ANKRD30BL: variants seen among roughly 807,000 people sequenced by gnomAD.
ANKRD30BL encodes putative ankyrin repeat domain-containing protein 30B-like.
Under a neutral mutation model 18.4 loss-of-function variants are expected in ANKRD30BL, and 20 were observed. That is an observed-to-expected ratio of 1.09 (90% confidence interval 0.77 to 1.58). The LOEUF is 1.58. ANKRD30BL is among the 40% of genes most tolerant of loss of function. The probability of loss-of-function intolerance (pLI) is 0.00; values close to 1 mark genes in which losing one functional copy is unlikely to be tolerated. For synonymous variants in ANKRD30BL, 72 were observed against 100.9 expected (o/e 0.71, Z 1.72); for missense variants, 224 against 268.6 (o/e 0.83, Z 1.16).
At chr2:132,176,331 C>A (rs1400679580) in intron 1 of ANKRD30BL, among the ~76,000 whole-genome samples, 2 of 152,018 alleles carry the variant, frequency 1.3e-5, no homozygotes, top group Admixed American at 6.6e-5. Context: ...AGTTCAAGAC[C>A]AGCCTGATCA....
chr2:132,159,134 G>A (rs1232187665), intron 1 of ANKRD30BL, among the ~76,000 whole-genome samples: 2 of 151,994 alleles, frequency 1.3e-5, no homozygotes, highest in Non-Finnish European at 2.9e-5. Flanking sequence ...ACACAAGACT[G>A]TAGTCTGTGT....
At chr2:132,207,514 A>T (rs941055755) in intron 1 of ANKRD30BL, among the ~76,000 whole-genome samples, 2 of 152,130 alleles carry the variant, frequency 1.3e-5, no homozygotes, top group Admixed American at 6.6e-5. Context: ...AAGGTCCTCC[A>T]CGTGAATTGG....
At chr2:132,167,547 G>T (rs1688211098) in intron 1 of ANKRD30BL, among the ~76,000 whole-genome samples, 1 of 151,994 alleles carries the variant, frequency 6.6e-6, no homozygotes, top group South Asian at 2.1e-4. Flanking sequence ...AGCCTCAGGT[G>T]GTCCACCCAC....
chr2:132,230,652 A>G (rs1049938032), intron 1 of ANKRD30BL, among the ~76,000 whole-genome samples: 5 of 152,154 alleles, frequency 3.3e-5, no homozygotes, highest in African/African-American at 4.8e-5. Context: ...AACTTCACAT[A>G]AAAACTAGAC....
chr2:132,200,626 TGC>T (rs1679079013), intron 1 of ANKRD30BL, among the ~76,000 whole-genome samples: 1 of 152,134 alleles, frequency 6.6e-6, no homozygotes, highest in South Asian at 2.1e-4. Flanking sequence ...TACAAACCAC[TGC>T]TCAAGGAAAT....
At chr2:132,241,942 G>A (rs1339248449) in intron 1 of ANKRD30BL, among the ~76,000 whole-genome samples, 1 of 151,538 alleles carries the variant, frequency 6.6e-6, no homozygotes, top group African/African-American at 2.4e-5. Flanking sequence ...CCTTTTCATA[G>A]AACAGTTTTT....
chr2:132,221,829 G>A (rs1220021039), intron 1 of ANKRD30BL, among the ~76,000 whole-genome samples: 7 of 112,348 alleles, frequency 6.2e-5, no homozygotes, highest in African/African-American at 2.6e-4. Context: ...GGGGGGGTCA[G>A]CCCCCCGCCC....
At chr2:132,189,757 G>A (rs1444776613) in intron 1 of ANKRD30BL, among the ~76,000 whole-genome samples, 1 of 152,034 alleles carries the variant, frequency 6.6e-6, no homozygotes, top group African/African-American at 2.4e-5. Context: ...ATTAAAAGAA[G>A]GAATTTTGGC....
intron 5 of ANKRD30BL, among the ~76,000 whole-genome samples, chr2:132,150,178 G>A (rs1173350953): frequency 6.6e-6 from 1 of 151,734 alleles, no homozygotes; most frequent in Non-Finnish European, 1.5e-5. Context: ...AAGCCCAGAA[G>A]TTCAAGACCA....
At chr2:132,242,659 C>T (rs1680371126) in intron 1 of ANKRD30BL, among the ~76,000 whole-genome samples, 1 of 151,416 alleles carries the variant, frequency 6.6e-6, no homozygotes, top group African/African-American at 2.4e-5. Context: ...TTTGTAGAAT[C>T]TGCAAGTGGA....
intron 1 of ANKRD30BL, among the ~76,000 whole-genome samples, chr2:132,169,373 G>T (rs1184065794): frequency 1.3e-5 from 2 of 152,182 alleles, no homozygotes; most frequent in African/African-American, 4.8e-5. Context: ...TGGTGGCGGG[G>T]TGCGGTGGCC....
chr2:132,237,690 C>T (rs77854821), intron 1 of ANKRD30BL, among the ~76,000 whole-genome samples: 1 of 152,030 alleles, frequency 6.6e-6, no homozygotes, highest in African/African-American at 2.4e-5. Context: ...CAGAGTTGAA[C>T]ATTCCTTTTC....
chr2:132,233,025 G>A (rs112156315), intron 1 of ANKRD30BL, among the ~76,000 whole-genome samples: 18 of 151,868 alleles, frequency 1.2e-4, no homozygotes, highest in Admixed American at 3.9e-4. Flanking sequence ...AGTGGGGGCC[G>A]ATATTCAACA....
chr2:132,193,756 A>G (rs1196167969), intron 1 of ANKRD30BL, among the ~76,000 whole-genome samples: 1 of 151,720 alleles, frequency 6.6e-6, no homozygotes, highest in East Asian at 1.9e-4. Context: ...AAGAATCTAC[A>G]GGTTCAGAAA....
At chr2:132,200,588 G>A (rs940616661) in intron 1 of ANKRD30BL, among the ~76,000 whole-genome samples, 3 of 152,124 alleles carry the variant, frequency 2.0e-5, no homozygotes, top group African/African-American at 4.8e-5. Flanking sequence ...GACTTACAAG[G>A]GATGTGAAGT....
intron 5 of ANKRD30BL, among the ~76,000 whole-genome samples, chr2:132,149,580 T>C (rs1444746885): frequency 6.6e-6 from 1 of 152,196 alleles, no homozygotes; most frequent in Non-Finnish European, 1.5e-5. Flanking sequence ...TTAATTCTTA[T>C]TGACATTCAT....
At position 132,245,264 on chromosome 2, in the gene ANKRD30BL, G is replaced by T. The variant is rs374816059; in HGVS notation, n.441+12265C>A. On this transcript the variant is annotated intron_variant and non_coding_transcript_variant, in intron 1 of 4. Transcript: ENST00000470729. The stretch of plus-strand genomic sequence containing the variant: ...ACTTTGAGGCCTTTGCTGTAAACGG[G>T]AATATCTTCACATAAAAACTAGACA... 2.7e-3 allele frequency among the ~76,000 whole-genome samples: 260 copies of T among 97,232 alleles called. 3 individuals carry two copies. Among genetic ancestry groups the T allele is most frequent in the African/African-American group, 9.3e-3 (246 of 26,424 alleles). The allele number at this position is 97,232 out of a possible 152,430, so 63.8% of individuals were successfully genotyped here.
At chr2:132,229,492 GT>G (rs1442313079) in intron 1 of ANKRD30BL, among the ~76,000 whole-genome samples, 1 of 152,102 alleles carries the variant, frequency 6.6e-6, no homozygotes, top group African/African-American at 2.4e-5. Context: ...AAACTTCTTT[GT>G]GATGTTTGCA....
Position 132,176,301 on chromosome 2 carries a change from G to A in ANKRD30BL, n.442-19155C>T, listed in dbSNP as rs180935692. Among the ~76,000 whole-genome samples the A allele has an allele frequency of 1.9e-4, 29 of 151,680 alleles. No homozygotes were observed. In the East Asian group the frequency reaches 5.1e-3, roughly 27 times the overall value. On this transcript the variant is annotated intron_variant and non_coding_transcript_variant, in intron 1 of 4. Transcript: ENST00000470729. ...TTCCAGCACTTTGGGAGGCTGAGGC[G>A]AGTAGATCAGGAGGTCAGGAGTTCA...
Sources: allele counts gnomAD v4.1 joint callset (sites outside exome capture counted in the v4.1 genomes callset), GRCh38; gene constraint gnomAD v4.1.1; transcripts MANE v1.5; gene names NCBI Gene and HGNC (gene_info 2026-07-23, HGNC 2026-07-21).